Variants in SDK1 observed in about 807,000 individuals in gnomAD.
SDK1 encodes the protein protein sidekick-1.
A neutral mutation model predicts 245.5 loss-of-function variants in SDK1; 157 were observed. The ratio of observed to expected loss-of-function variants is 0.64; its 90% CI spans 0.56 to 0.73. The LOEUF is 0.73. Among genes scored for constraint, SDK1 ranks in the 30% least tolerant of loss-of-function variants. The pLI, the probability that SDK1 is intolerant of heterozygous loss-of-function variation, is 0.00. For missense variants in SDK1, 3,583 were observed against 3,002.3 expected, an observed-to-expected ratio of 1.19 and a Z score of -4.52; for synonymous variants, 1,647 against 1,278.5, an observed-to-expected ratio of 1.29 and a Z score of -6.15.
intron 4 of SDK1, among the ~76,000 whole-genome samples, chr7:3,672,756 A>ATT (rs1491347686): frequency 5.2e-3 from 194 of 37,096 alleles, no homozygotes; most frequent in African/African-American, 0.025. Context: ...ATAATATATA[A>ATT]TTTTATATAT....
chr7:3,634,732 T>C (rs1782401568), intron 2 of SDK1, among the ~76,000 whole-genome samples: 2 of 152,348 alleles, frequency 1.3e-5, no homozygotes, highest in African/African-American at 4.8e-5. Flanking sequence ...GGTGGAGGAC[T>C]TTGCAACTTT....
intron 1 of SDK1, among the ~76,000 whole-genome samples, chr7:3,548,711 C>T (rs1384426353): frequency 2.0e-5 from 3 of 152,062 alleles, no homozygotes; most frequent in Non-Finnish European, 4.4e-5. Context: ...GTTTAATATC[C>T]CACTATTTTT....
intron 1 of SDK1, among the ~76,000 whole-genome samples, chr7:3,556,415 G>C (rs1779589343): frequency 6.6e-6 from 1 of 152,062 alleles, no homozygotes; most frequent in Non-Finnish European, 1.5e-5. Context: ...AAGGTTGGTG[G>C]GGGTGCAGCA....
rs1366070342 is a variant in SDK1, at chr7:3,823,747, T to C, written c.847+2164T>C. ...AAGTGAGATACAAGGCAGTTGATGA[T>C]ATGGACTTATTTTAAATCTTAGGAC... On this transcript the variant is annotated intron_variant, in intron 5 of 44. Transcript: ENST00000404826. Among the ~76,000 whole-genome samples, 3 of 152,308 alleles carry C rather than the reference T, an allele frequency of 2.0e-5. No homozygotes were observed. The East Asian group carries it at 5.8e-4, about 29-fold the overall frequency.
intron 19 of SDK1, among the ~76,000 whole-genome samples, chr7:4,065,137 C>T (rs78417387): frequency 3.3e-5 from 5 of 152,124 alleles, no homozygotes; most frequent in South Asian, 2.1e-4. Context: ...GGCCGTTACA[C>T]AGTCAGTGCC....
chr7:4,020,056 C>G (rs1392576112), intron 17 of SDK1, among the ~76,000 whole-genome samples: 2 of 152,048 alleles, frequency 1.3e-5, no homozygotes, highest in South Asian at 2.1e-4. Flanking sequence ...GACCCTGACT[C>G]CAACCCTAAA....
At chr7:3,560,315 G>C (rs930477492) in intron 1 of SDK1, among the ~76,000 whole-genome samples, 1 of 152,028 alleles carries the variant, frequency 6.6e-6, no homozygotes, top group African/African-American at 2.4e-5. Flanking sequence ...ATATCCAAAT[G>C]TATGTCTTTT....
At chr7:3,433,660 A>G (rs1012273526) in intron 1 of SDK1, among the ~76,000 whole-genome samples, 10 of 152,200 alleles carry the variant, frequency 6.6e-5, no homozygotes, top group Non-Finnish European at 1.5e-4. Context: ...GGCTTTAGGG[A>G]CCAACATCAA....
Position 3,433,291 on chromosome 7 carries a change from T to C in SDK1, c.298+131407T>C, listed in dbSNP as rs112071462. ...AAACCAGACTGCTGTAATCTACACA[T>C]GCTTTCACACTTCAAAAGGTGTGTG... On this transcript the variant is annotated intron_variant, in intron 1 of 44. Transcript: ENST00000404826. 3.3e-5 allele frequency among the ~76,000 whole-genome samples: 5 copies of C among 152,368 alleles called. 1 individual carries two copies. The highest frequency in any genetic ancestry group is 1.2e-4 in the African/African-American group (5 of 41,588).
intron 5 of SDK1, among the ~76,000 whole-genome samples, chr7:3,822,663 G>T (rs538316697): frequency 2.6e-5 from 4 of 152,068 alleles, no homozygotes; most frequent in Non-Finnish European, 5.9e-5. Flanking sequence ...AGCTACAGGG[G>T]AGGCTGAGGC....
chr7:3,886,057 G>A (rs749155847), intron 5 of SDK1, among the ~76,000 whole-genome samples: 9 of 152,156 alleles, frequency 5.9e-5, no homozygotes, highest in African/African-American at 1.2e-4. Flanking sequence ...GCAGCAGATC[G>A]GAGGTTATCA....
intron 5 of SDK1, among the ~76,000 whole-genome samples, chr7:3,913,441 T>C (rs527537335): frequency 3.4e-4 from 52 of 152,000 alleles, no homozygotes; most frequent in Admixed American, 1.0e-3. Flanking sequence ...CTACAGGCGC[T>C]CGCCACAACG....
chr7:4,108,846 T>C (rs1304121319), intron 22 of SDK1, among the ~76,000 whole-genome samples: 2 of 152,038 alleles, frequency 1.3e-5, no homozygotes, highest in African/African-American at 2.4e-5. Context: ...CCTCTCCCCA[T>C]CCCCTGGCAA....
chr7:3,321,718 CT>C (rs1779809155), intron 1 of SDK1, among the ~76,000 whole-genome samples: 1 of 25,564 alleles, frequency 3.9e-5, no homozygotes, highest in Non-Finnish European at 7.5e-5. Flanking sequence ...CCCCCTCCCT[CT>C]CCCCTCTCCC....
chr7:3,667,533 A>G (rs1048370740), intron 4 of SDK1, among the ~76,000 whole-genome samples: 3 of 152,176 alleles, frequency 2.0e-5, no homozygotes, highest in Non-Finnish European at 4.4e-5. Context: ...GTGTTGATCC[A>G]CTACCACAAT....
intron 5 of SDK1, among the ~76,000 whole-genome samples, chr7:3,878,874 G>A (rs1781138019): frequency 6.6e-6 from 1 of 152,082 alleles, no homozygotes; most frequent in Non-Finnish European, 1.5e-5. Context: ...ATACACAAAA[G>A]TATACAAATC....
At chr7:3,461,845 C>G (rs1455033111) in intron 1 of SDK1, among the ~76,000 whole-genome samples, 1 of 152,126 alleles carries the variant, frequency 6.6e-6, no homozygotes. Context: ...GTTTTGAGTT[C>G]CATCTTTTTC....
intron 15 of SDK1, 68 bp from the exon 16 acceptor site, chr7:4,012,027 A>T: frequency 7.7e-7 from 1 of 1,293,082 alleles, no homozygotes; most frequent in Non-Finnish European, 1.0e-6. Context: ...AAGATAGATG[A>T]AATGCAAATG....
chr7:3,586,382 G>A (rs940607436), intron 1 of SDK1, among the ~76,000 whole-genome samples: 2 of 151,914 alleles, frequency 1.3e-5, no homozygotes, highest in Admixed American at 6.6e-5. Flanking sequence ...AGGAGGGCTC[G>A]AGACCCCCCA....
Sources: allele counts gnomAD v4.1 joint callset (sites outside exome capture counted in the v4.1 genomes callset), GRCh38; gene constraint gnomAD v4.1.1; transcripts MANE v1.5; gene names NCBI Gene and HGNC (gene_info 2026-07-23, HGNC 2026-07-21).